Variants in PLCE1 observed in about 807,000 individuals in gnomAD.
PLCE1 encodes 1-phosphatidylinositol 4,5-bisphosphate phosphodiesterase epsilon-1.
Under a neutral mutation model 242.8 loss-of-function variants are expected in PLCE1, and 119 were observed. The observed-to-expected ratio is 0.49, with a 90% CI of 0.42 to 0.57. PLCE1 has a LOEUF of 0.57. Among genes scored for constraint, PLCE1 ranks in the 20% least tolerant of loss-of-function variants. PLCE1 has a pLI of 0.00. For synonymous variants in PLCE1, 945 were observed against 1,017.4 expected, an observed-to-expected ratio of 0.93 and a Z score of 1.35; for missense variants, 2,441 against 2,788.8, an observed-to-expected ratio of 0.88 and a Z score of 2.81.
At chr10:94,230,017 T>G (rs1031917979) in intron 5 of PLCE1, among the ~76,000 whole-genome samples, 6 of 151,940 alleles carry the variant, frequency 3.9e-5, no homozygotes, top group African/African-American at 1.4e-4. Flanking sequence ...TTCCAAGCAA[T>G]TAACTATTAC....
intron 3 of PLCE1, among the ~76,000 whole-genome samples, chr10:94,164,774 C>G (rs1189330306): frequency 2.0e-5 from 3 of 152,194 alleles, no homozygotes; most frequent in African/African-American, 7.2e-5. Flanking sequence ...TTTTTATCTA[C>G]CTTTGGTCTT....
intron 3 of PLCE1, among the ~76,000 whole-genome samples, chr10:94,165,086 G>A (rs966125643): frequency 1.3e-5 from 2 of 152,324 alleles, no homozygotes; most frequent in East Asian, 1.9e-4. Context: ...GGGGGTCAGG[G>A]ACCCACTTGA....
chr10:94,320,331 A>T lies in PLCE1; in HGVS notation c.6343-1570A>T, dbSNP rs180769734. 3.2e-4 allele frequency among the ~76,000 whole-genome samples: 49 copies of T among 152,082 alleles called. 2 individuals carry two copies. The East Asian group carries it at 9.1e-3, about 28-fold the overall frequency. ...ATGGATTTTTTCACTCATTGAAAAA[A>T]GTTAAAATAGATTATATATCTTTAT... On this transcript the variant is annotated intron_variant, in intron 29 of 32. Transcript: ENST00000371380.
At chr10:94,250,867 C>T (rs892818690) in intron 8 of PLCE1, among the ~76,000 whole-genome samples, 10 of 152,238 alleles carry the variant, frequency 6.6e-5, no homozygotes, top group African/African-American at 1.7e-4. Context: ...GTAGTTAAAA[C>T]GTATCCATTA....
intron 20 of PLCE1, among the ~76,000 whole-genome samples, chr10:94,281,601 T>C (rs1023830080): frequency 6.6e-6 from 1 of 152,204 alleles, no homozygotes; most frequent in African/African-American, 2.4e-5. Context: ...TAGACTGTGA[T>C]ACCTGGGGCA....
chr10:94,162,910 T>C (rs1243589205), intron 3 of PLCE1, among the ~76,000 whole-genome samples: 1 of 152,232 alleles, frequency 6.6e-6, no homozygotes, highest in Non-Finnish European at 1.5e-5. Context: ...CATTTCATTA[T>C]GTACCCAGTA....
At position 94,179,512 on chromosome 10, in the gene PLCE1, G is replaced by GTTTTTTTTTTTTTTTTTTTTT. The variant is rs1554877545; in HGVS notation, c.1809+8034_1809+8035insTTTTTTTTTTTTTTTTTTTTT. On this transcript the variant is annotated intron_variant, in intron 4 of 32. Transcript: ENST00000371380. ...TTTATCTTATTTTTATTTTAGTTTA[G>GTTTTTTTTTTTTTTTTTTTTT]TTTTTTTTTTTTTTTTTTGACAGGG... 7.5e-3 allele frequency among the ~76,000 whole-genome samples: 144 copies of GTTTTTTTTTTTTTTTTTTTTT among 19,326 alleles called. 4 individuals are homozygous for GTTTTTTTTTTTTTTTTTTTTT. The highest frequency in any genetic ancestry group is 0.019 in the South Asian group (8 of 424). The allele number at this position is 19,326 out of a possible 152,430, so 12.7% of individuals were successfully genotyped here.
rs368299132 is a variant in PLCE1, at chr10:94,176,257, AG to A, written c.1809+4763del. 4.2e-3 allele frequency among the ~76,000 whole-genome samples: 633 copies of A among 152,218 alleles called. 5 individuals are homozygous for A. The highest frequency in any genetic ancestry group is 0.013 in the African/African-American group (548 of 41,530). On this transcript the variant is annotated intron_variant, in intron 4 of 32. Coordinates refer to ENST00000371380, the MANE Select transcript of PLCE1 (RefSeq NM_016341.4). ...CCACAAAAAGTACAAAAAATTAGCC[AG>A]GCATGGTGGTGCATGCCTGTGGTCT...
intron 1 of PLCE1, among the ~76,000 whole-genome samples, chr10:93,997,719 C>A (rs1171501289): frequency 1.5e-5 from 2 of 132,840 alleles, no homozygotes; most frequent in Non-Finnish European, 3.1e-5. Flanking sequence ...AGTGATCTGG[C>A]TAAATTGTTT....
intron 23 of PLCE1, among the ~76,000 whole-genome samples, chr10:94,293,978 A>G (rs2052723478): frequency 6.6e-6 from 1 of 152,024 alleles, no homozygotes; most frequent in African/African-American, 2.4e-5. Context: ...GTGGTAGTGC[A>G]CACCTGTAAT....
At chr10:94,280,014 G>C (rs1395497932) in intron 20 of PLCE1, 103 bp downstream of exon 20, 1 of 1,174,762 alleles carries the variant, frequency 8.5e-7, no homozygotes, top group Non-Finnish European at 1.3e-6. Context: ...CCAGTAATAC[G>C]GATGGTTGTA....
intron 4 of PLCE1, among the ~76,000 whole-genome samples, chr10:94,184,736 T>C (rs1357904465): frequency 6.6e-6 from 1 of 152,236 alleles, no homozygotes; most frequent in Non-Finnish European, 1.5e-5. Flanking sequence ...GTACATAGCC[T>C]CTGCAGTTGT....
rs567270075 is a variant in PLCE1 at position 94,162,799 on chromosome 10, A to G, written c.1493-8381A>G. On this transcript the variant is annotated intron_variant, in intron 3 of 32. Transcript: ENST00000371380. ...CTTTCTCTTGTGGGCATTTAGTGCT[A>G]TATATTTCCCTCTACACACTGCTTT... is the stretch of plus-strand genomic sequence containing the variant. 8.5e-5 allele frequency among the ~76,000 whole-genome samples: 13 copies of G among 152,260 alleles called. No individual in the cohort carries two copies. The South Asian group carries it at 1.0e-3, about 12-fold the overall frequency.
chr10:94,291,597 A>G (rs1193115783), intron 22 of PLCE1, among the ~76,000 whole-genome samples: 1 of 152,150 alleles, frequency 6.6e-6, no homozygotes, highest in Non-Finnish European at 1.5e-5. Context: ...GGGGTGTAAC[A>G]GTCCTAACTT....
At chr10:94,069,675 T>A (rs2044297322) in intron 2 of PLCE1, among the ~76,000 whole-genome samples, 2 of 152,068 alleles carry the variant, frequency 1.3e-5, no homozygotes, top group Admixed American at 1.3e-4. Context: ...GAAAGAAAGT[T>A]CTAGGTCAGA....
At chr10:94,138,319 C>T (rs2046849377) in intron 3 of PLCE1, 1 of 360,938 alleles carries the variant, frequency 2.8e-6, no homozygotes, top group African/African-American at 2.1e-5. Flanking sequence ...AAGAGGCCTT[C>T]TATGCCACAG....
chr10:94,110,058 CTTTTTTTTTTT>C (rs33974566), intron 2 of PLCE1, among the ~76,000 whole-genome samples: 9 of 75,888 alleles, frequency 1.2e-4, no homozygotes, highest in African/African-American at 2.1e-4. Flanking sequence ...TTTCTTTTTT[CTTTTTTTTTTT>C]TTTTTTTTTT....
chr10:94,127,059 A>G (rs1190130472), intron 2 of PLCE1, among the ~76,000 whole-genome samples: 1 of 152,202 alleles, frequency 6.6e-6, no homozygotes, highest in Non-Finnish European at 1.5e-5. Context: ...CTCTAGGCTT[A>G]CTTTCCCATC....
At chr10:94,180,434 G>A (rs1431880205) in intron 4 of PLCE1, among the ~76,000 whole-genome samples, 1 of 152,074 alleles carries the variant, frequency 6.6e-6, no homozygotes, top group East Asian at 1.9e-4. Flanking sequence ...ACAGCACCAG[G>A]CAGAAGGCAG....
Sources: gnomAD v4.1 joint callset for allele counts (sites outside exome capture counted in the v4.1 genomes callset) on GRCh38, gnomAD v4.1.1 for gene constraint, MANE v1.5 for transcripts, NCBI Gene and HGNC (gene_info 2026-07-23, HGNC 2026-07-21) for gene names.